MGMT: variants seen among roughly 807,000 people sequenced by gnomAD.
The protein encoded by MGMT is methylated-DNA--protein-cysteine methyltransferase.
Under a neutral mutation model 15.9 loss-of-function variants are expected in MGMT, and 14 were observed. The ratio of observed to expected loss-of-function variants is 0.88; its 90% CI spans 0.58 to 1.37. MGMT has a LOEUF of 1.37. MGMT is among the 40% of genes most tolerant of loss of function. MGMT has a pLI of 0.00. For synonymous variants in MGMT, 130 were observed against 118.2 expected (o/e 1.10, Z -0.65); for missense variants, 282 against 268.1 (o/e 1.05, Z -0.36).
intron 2 of MGMT, among the ~76,000 whole-genome samples, chr10:129,596,990 A>G (rs1264602614): frequency 6.6e-6 from 1 of 152,120 alleles, no homozygotes. Context: ...GCTGGGGTGA[A>G]GGTCTCTGCT....
intron 2 of MGMT, among the ~76,000 whole-genome samples, chr10:129,602,856 G>A (rs1003720133): frequency 7.2e-5 from 11 of 151,972 alleles, no homozygotes; most frequent in Middle Eastern, 3.2e-3. Flanking sequence ...ACTGCTTCGG[G>A]AATGTCTGCA....
intron 2 of MGMT, among the ~76,000 whole-genome samples, chr10:129,626,442 G>A (rs1847150437): frequency 6.6e-6 from 1 of 152,208 alleles, no homozygotes; most frequent in South Asian, 2.1e-4. Context: ...TGAGTTTCGG[G>A]GGTGATTGGA....
chr10:129,589,612 T>C (rs1028361052), intron 2 of MGMT, among the ~76,000 whole-genome samples: 12 of 152,256 alleles, frequency 7.9e-5, no homozygotes, highest in African/African-American at 2.7e-4. Context: ...CCTAGTGATT[T>C]AACTCAAGTC....
At chr10:129,687,416 T>C (rs1424199522) in intron 2 of MGMT, among the ~76,000 whole-genome samples, 1 of 152,038 alleles carries the variant, frequency 6.6e-6, no homozygotes, top group Non-Finnish European at 1.5e-5. Flanking sequence ...GGACTGAAAA[T>C]TTAATAAGCA....
intron 3 of MGMT, among the ~76,000 whole-genome samples, chr10:129,756,127 G>A (rs567796963): frequency 5.9e-5 from 9 of 152,256 alleles, no homozygotes; most frequent in Non-Finnish European, 1.0e-4. Flanking sequence ...TGCAGGCAGA[G>A]GGTTTAGAAA....
At chr10:129,643,055 A>C (rs573802600) in intron 2 of MGMT, among the ~76,000 whole-genome samples, 2 of 152,308 alleles carry the variant, frequency 1.3e-5, no homozygotes, top group South Asian at 4.1e-4. Context: ...ATTGTTAGTG[A>C]TGACTTACGG....
chr10:129,603,977 C>T (rs1248684951), intron 2 of MGMT, among the ~76,000 whole-genome samples: 2 of 152,162 alleles, frequency 1.3e-5, no homozygotes, highest in Non-Finnish European at 2.9e-5. Context: ...GTAGGAGTGC[C>T]TGGTGCCCTC....
intron 1 of MGMT, among the ~76,000 whole-genome samples, chr10:129,499,496 A>G (rs1051005551): frequency 1.3e-5 from 2 of 152,222 alleles, no homozygotes; most frequent in African/African-American, 4.8e-5. Context: ...AATAACAATT[A>G]CCTTTAATAG....
Position 129,504,186 on chromosome 10 carries a change from A to T in MGMT, c.-12-32055A>T, listed in dbSNP as rs1366639283. The stretch of plus-strand genomic sequence containing the variant: ...TGGGCAGGACTCTGCTAGCAGACAT[A>T]ACGTGGCAATCAGGTGTATGTACCT... On this transcript the variant is annotated intron_variant, in intron 1 of 4. Transcript: ENST00000651593. Among the ~76,000 whole-genome samples the T allele has an allele frequency of 2.6e-5, 4 of 152,270 alleles. No homozygotes were observed. In the East Asian group the frequency reaches 5.8e-4, roughly 22 times the overall value.
At chr10:129,620,735 A>G (rs503660) in intron 2 of MGMT, among the ~76,000 whole-genome samples, 64,007 of 151,966 alleles carry the variant, frequency 0.42, 14,329 homozygotes, top group East Asian at 0.62. Context: ...TCTTGGAACC[A>G]GGATATAGTG....
intron 2 of MGMT, among the ~76,000 whole-genome samples, chr10:129,671,662 T>C (rs11813363): frequency 0.18 from 27,833 of 152,182 alleles, 2,776 homozygotes; most frequent in African/African-American, 0.23. Context: ...CATTTTCAGA[T>C]GTCTTGTGTG....
intron 2 of MGMT, among the ~76,000 whole-genome samples, chr10:129,634,561 T>C (rs1045059342): frequency 6.6e-6 from 1 of 152,152 alleles, no homozygotes; most frequent in Non-Finnish European, 1.5e-5. Flanking sequence ...TTTTGTGTAG[T>C]TTCTATAGGA....
chr10:129,754,839 A>G (rs1848787416), intron 3 of MGMT, among the ~76,000 whole-genome samples: 1 of 152,168 alleles, frequency 6.6e-6, no homozygotes. Context: ...TCACATCTTA[A>G]CACTGTCACA....
rs553723874 is a variant in MGMT, at chr10:129,493,983, T to C, written c.-13+26687T>C. On this transcript the variant is annotated intron_variant, in intron 1 of 4. Transcript: ENST00000651593. ...AAGTGCTTAGCCATATATTGAACTC[T>C]TTAATATCATTTTTGGAGATGGCAT... Among the ~76,000 whole-genome samples, 3 of 152,340 alleles carry C rather than the reference T, an allele frequency of 2.0e-5. No individual in the cohort carries two copies. The South Asian group carries it at 6.2e-4, about 32-fold the overall frequency.
intron 2 of MGMT, among the ~76,000 whole-genome samples, chr10:129,621,802 A>G (rs1402399171): frequency 6.6e-6 from 1 of 152,216 alleles, no homozygotes; most frequent in Non-Finnish European, 1.5e-5. Context: ...TTAAAAAGCC[A>G]TCCCCATGTG....
intron 2 of MGMT, among the ~76,000 whole-genome samples, chr10:129,691,545 G>T (rs376709905): frequency 3.8e-4 from 58 of 152,156 alleles, no homozygotes; most frequent in African/African-American, 1.3e-3. Flanking sequence ...GGGGCTGTGG[G>T]TTTCAAATAA....
At chr10:129,565,655 C>T (rs1469675587) in intron 2 of MGMT, among the ~76,000 whole-genome samples, 1 of 152,174 alleles carries the variant, frequency 6.6e-6, no homozygotes, top group Non-Finnish European at 1.5e-5. Flanking sequence ...GCGTGAAAGT[C>T]TGATTGGAAC....
chr10:129,577,054 G>C (rs1226353619), intron 2 of MGMT, among the ~76,000 whole-genome samples: 1 of 152,074 alleles, frequency 6.6e-6, no homozygotes, highest in Non-Finnish European at 1.5e-5. Flanking sequence ...ACAAATGGAA[G>C]AACATTCCAT....
At chr10:129,648,861 A>G (rs1309560466) in intron 2 of MGMT, among the ~76,000 whole-genome samples, 1 of 152,170 alleles carries the variant, frequency 6.6e-6, no homozygotes, top group East Asian at 1.9e-4. Context: ...ATGGCTTCCT[A>G]AAGACTTTTG....
Sources: allele counts gnomAD v4.1 joint callset (sites outside exome capture counted in the v4.1 genomes callset), GRCh38; gene constraint gnomAD v4.1.1; transcripts MANE v1.5; gene names NCBI Gene and HGNC (gene_info 2026-07-23, HGNC 2026-07-21).